AGPS: variants seen among roughly 807,000 people sequenced by gnomAD.
AGPS encodes the protein alkyldihydroxyacetonephosphate synthase, peroxisomal.
AGPS carries 26 observed loss-of-function variants against 90.7 expected under a neutral mutation model. The observed-to-expected ratio is 0.29, with a 90% CI of 0.21 to 0.40. The LOEUF (loss-of-function observed/expected upper bound fraction) is 0.40, where lower values mean the gene tolerates loss of function less well. AGPS is among the 10% of genes least tolerant of loss of function. AGPS has a pLI of 1.00. For synonymous variants in AGPS, 294 were observed against 285.3 expected (o/e 1.03, Z -0.31); for missense variants, 540 against 816.1 (o/e 0.66, Z 4.12).
chr2:177,465,980 AG>A (rs1687434472), intron 9 of AGPS, among the ~76,000 whole-genome samples: 1 of 152,168 alleles, frequency 6.6e-6, no homozygotes, highest in Non-Finnish European at 1.5e-5. Flanking sequence ...GGACAAGTGG[AG>A]GGTGAGCAAG....
At chr2:177,496,449 G>A (rs1422697663) in intron 12 of AGPS, among the ~76,000 whole-genome samples, 2 of 152,010 alleles carry the variant, frequency 1.3e-5, no homozygotes, top group Admixed American at 6.6e-5. Context: ...CTCTTAAAGC[G>A]CTAGTTATAC....
chr2:177,500,619 A>G (rs561655283), intron 14 of AGPS, among the ~76,000 whole-genome samples: 6 of 152,052 alleles, frequency 3.9e-5, no homozygotes, highest in African/African-American at 1.4e-4. Context: ...GTTAACGTGC[A>G]GTATTCTTAA....
rs550112836 is a variant in AGPS, at chr2:177,538,271, A to T, written c.*76A>T. 140 of 1,423,014 alleles carry T rather than the reference A, an allele frequency of 9.8e-5. No individual in the cohort carries two copies. The highest frequency in any genetic ancestry group is 1.4e-4 in the Non-Finnish European group (137 of 1,011,794). The allele number at this position is 1,423,014 out of a possible 1,614,324, so 88.1% of individuals were successfully genotyped here. On this transcript the variant is annotated 3_prime_UTR_variant, in exon 20 of 20. Transcript: ENST00000264167. ...ACTGTGGTTATACTAGTAATCAAAT[A>T]TATCATGGACTATATTTTGGATACA...
In AGPS at chr2:177,393,011, T is replaced by G. The variant is rs1328957866; in HGVS notation, c.222T>G (p.Thr74=). The change falls in exon 1 of 20, where the codon ACT becomes ACG. Residue 74 remains threonine, a synonymous_variant. Transcript: ENST00000264167. ...CGGCCACGGCAGCGCCCACGGCCAC[T>G]CCCGCCGCGCAGGAGTCGGGCACCA... ...ASAATAAPTA[T]PAAQESGTIP... 1 of 1,550,244 alleles carries G rather than the reference T, an allele frequency of 6.5e-7. No homozygotes were observed. The highest frequency in any genetic ancestry group is 1.4e-5 in the African/African-American group (1 of 73,140).
At chr2:177,408,934 T>C (rs1414641025) in intron 1 of AGPS, among the ~76,000 whole-genome samples, 2 of 152,208 alleles carry the variant, frequency 1.3e-5, no homozygotes, top group Non-Finnish European at 2.9e-5. Flanking sequence ...ATTGTAATCA[T>C]GGGCTGGGTC....
chr2:177,512,713 T>C (rs779139444), intron 16 of AGPS, among the ~76,000 whole-genome samples: 2 of 152,190 alleles, frequency 1.3e-5, no homozygotes, highest in African/African-American at 2.4e-5. Context: ...TATTGGGGAA[T>C]AAAATGGGAC....
chr2:177,469,884 A>G (rs1687561561), intron 10 of AGPS, among the ~76,000 whole-genome samples: 1 of 152,164 alleles, frequency 6.6e-6, no homozygotes, highest in African/African-American at 2.4e-5. Flanking sequence ...TAGTTGCTAG[A>G]TATTATGCTG....
chr2:177,447,851 A>T (rs1686823045), intron 8 of AGPS, among the ~76,000 whole-genome samples: 1 of 152,164 alleles, frequency 6.6e-6, no homozygotes, highest in Admixed American at 6.5e-5. Flanking sequence ...TGAGGTAACC[A>T]GTTTAAAACA....
chr2:177,415,284 A>G (rs1395281853), intron 1 of AGPS, among the ~76,000 whole-genome samples: 1 of 152,184 alleles, frequency 6.6e-6, no homozygotes, highest in Non-Finnish European at 1.5e-5. Context: ...GGAATTGTAT[A>G]TGAATTTCCT....
At chr2:177,521,234 T>A (rs1197809401) in intron 17 of AGPS, 35 bp from the exon 18 acceptor site, 1 of 1,548,822 alleles carries the variant, frequency 6.5e-7, no homozygotes, top group Non-Finnish European at 8.9e-7. Context: ...TTCACTTAAC[T>A]TAAAGCCCCT....
intron 11 of AGPS, among the ~76,000 whole-genome samples, chr2:177,484,774 C>A (rs1185637231): frequency 6.6e-6 from 1 of 151,732 alleles, no homozygotes; most frequent in African/African-American, 2.4e-5. Context: ...TTAGATTTTT[C>A]CTTTCTGAGA....
At chr2:177,459,868 A>G (rs995876375) in intron 8 of AGPS, among the ~76,000 whole-genome samples, 1 of 152,254 alleles carries the variant, frequency 6.6e-6, no homozygotes, top group African/African-American at 2.4e-5. Flanking sequence ...ATGCACATGT[A>G]TGTTTACTGC....
chr2:177,462,751 C>A (rs1008131407), intron 9 of AGPS, among the ~76,000 whole-genome samples: 3 of 152,080 alleles, frequency 2.0e-5, no homozygotes, highest in African/African-American at 7.2e-5. Flanking sequence ...TTGTATTATT[C>A]ATAAATATTC....
intron 10 of AGPS, among the ~76,000 whole-genome samples, chr2:177,471,013 G>A (rs1052182093): frequency 2.6e-5 from 4 of 152,078 alleles, no homozygotes; most frequent in African/African-American, 4.8e-5. Flanking sequence ...GAACAATTTA[G>A]TGTAGTAAAT....
At chr2:177,414,417 C>T (rs1349138256) in intron 1 of AGPS, among the ~76,000 whole-genome samples, 2 of 152,030 alleles carry the variant, frequency 1.3e-5, no homozygotes, top group African/African-American at 2.4e-5. Context: ...CTGTATTGCT[C>T]AGGCTTATTT....
At chr2:177,472,756 T>C (rs1205285345) in intron 10 of AGPS, among the ~76,000 whole-genome samples, 1 of 152,108 alleles carries the variant, frequency 6.6e-6, no homozygotes, top group Admixed American at 6.5e-5. Context: ...GCATGTCTTG[T>C]TTCTCTTTCA....
intron 1 of AGPS, among the ~76,000 whole-genome samples, chr2:177,407,102 C>T (rs867552594): frequency 8.5e-5 from 13 of 152,248 alleles, no homozygotes; most frequent in African/African-American, 2.6e-4. Context: ...GTTCCTGTGA[C>T]TGGGGACAAG....
In AGPS at chr2:177,497,829, C is replaced by A. The variant is rs1028945445; in HGVS notation, c.1362+64C>A. ...AAGATATCTGTTTTCTGCTTTCTTC[C>A]CACATGCACCTATTGTAAGGGTGTT... On this transcript the variant is annotated intron_variant, in intron 13 of 19. Transcript: ENST00000264167. 65 of 837,936 alleles carry A rather than the reference C, an allele frequency of 7.8e-5. 1 individual carries two copies. The highest frequency in any genetic ancestry group is 6.3e-4 in the South Asian group (38 of 60,038). 51.9% of individuals were successfully genotyped at this position (837,936 alleles called of 1,614,324 possible). A position where few individuals can be genotyped will look rare whatever the true frequency, so the allele number is the denominator to read the frequency against.
At chr2:177,533,493 T>C (rs1403552996) in intron 19 of AGPS, among the ~76,000 whole-genome samples, 2 of 152,186 alleles carry the variant, frequency 1.3e-5, no homozygotes, top group Non-Finnish European at 1.5e-5. Context: ...TTTAGTAGCT[T>C]CTAGCCTCAG....
Sources: gnomAD v4.1 joint callset for allele counts (sites outside exome capture counted in the v4.1 genomes callset) on GRCh38, gnomAD v4.1.1 for gene constraint, MANE v1.5 for transcripts, NCBI Gene and HGNC (gene_info 2026-07-23, HGNC 2026-07-21) for gene names.